SCEL: variants seen among roughly 807,000 people sequenced by gnomAD.
SCEL encodes the protein sciellin.
A neutral mutation model predicts 117.6 loss-of-function variants in SCEL; 113 were observed. That is an observed-to-expected ratio of 0.96 (90% CI 0.83 to 1.12). SCEL has a LOEUF of 1.12. Ranked by LOEUF, SCEL falls within the 50% of genes most tolerant of loss-of-function variation. The pLI is 0.00. For missense variants in SCEL, 785 were observed against 810.8 expected (o/e 0.97, Z 0.39); for synonymous variants, 270 against 256.2 (o/e 1.05, Z -0.51).
intron 15 of SCEL, among the ~76,000 whole-genome samples, chr13:77,601,639 G>T (rs974203777): frequency 1.3e-5 from 2 of 152,162 alleles, no homozygotes; most frequent in Admixed American, 1.3e-4. Context: ...CTTTTTAAGA[G>T]AAATGACTTG....
intron 1 of SCEL, among the ~76,000 whole-genome samples, chr13:77,550,010 T>G (rs74483822): frequency 4.9e-5 from 6 of 122,326 alleles, no homozygotes; most frequent in Non-Finnish European, 1.1e-4. Context: ...TGCTGCCAGT[T>G]TTTTTTTTTT....
intron 24 of SCEL, 94 bp downstream of exon 24, chr13:77,614,049 A>G: frequency 9.6e-7 from 1 of 1,045,560 alleles, no homozygotes; most frequent in South Asian, 1.3e-5. Context: ...CAAATTGAAT[A>G]TAAATCTCAA....
chr13:77,636,313 T>C (rs1381730415), intron 29 of SCEL, among the ~76,000 whole-genome samples: 3 of 152,216 alleles, frequency 2.0e-5, no homozygotes, highest in Admixed American at 1.3e-4. Context: ...AATTTTTTTG[T>C]AGCATTGTGG....
intron 19 of SCEL, among the ~76,000 whole-genome samples, chr13:77,606,843 G>A (rs1261000615): frequency 6.6e-6 from 1 of 152,076 alleles, no homozygotes; most frequent in African/African-American, 2.4e-5. Flanking sequence ...CAGTGCAAAA[G>A]GGCCTTCCTG....
At chr13:77,557,784 C>T (rs2084745091) in intron 3 of SCEL, among the ~76,000 whole-genome samples, 1 of 152,264 alleles carries the variant, frequency 6.6e-6, no homozygotes, top group Non-Finnish European at 1.5e-5. Context: ...GGACAGCTCC[C>T]ATACAAAAAA....
chr13:77,626,727 C>T (rs9593242), intron 27 of SCEL, among the ~76,000 whole-genome samples: 61,969 of 152,036 alleles, frequency 0.41, 13,697 homozygotes, highest in Non-Finnish European at 0.51. Context: ...GGAGCCTCCC[C>T]AGCCATATGG....
intron 28 of SCEL, among the ~76,000 whole-genome samples, chr13:77,630,490 T>C (rs1438471785): frequency 2.6e-5 from 4 of 152,258 alleles, no homozygotes; most frequent in Admixed American, 2.6e-4. Flanking sequence ...AATGTTGCTA[T>C]GAACATTCAT....
chr13:77,617,498 A>G lies in SCEL; in HGVS notation c.1452-101A>G. 4 of 670,450 alleles carry G rather than the reference A, an allele frequency of 6.0e-6. No homozygotes were observed. The South Asian group carries it at 8.6e-5, about 14-fold the overall frequency. The allele number at this position is 670,450 out of a possible 1,614,324, so 41.5% of individuals were successfully genotyped here. ...TATTTCATAGTTAGTCAATACTAAA[A>G]TAATATGTCTCATACTATTATCCTT... On this transcript the variant is annotated intron_variant, in intron 24 of 32. Coordinates refer to ENST00000349847, the MANE Select transcript of SCEL (RefSeq NM_144777.3).
intron 27 of SCEL, 73 bp from the exon 28 acceptor site, chr13:77,627,874 A>G: frequency 3.4e-6 from 2 of 580,024 alleles, no homozygotes; most frequent in Non-Finnish European, 5.7e-6. Flanking sequence ...TACTGATTTT[A>G]AAATGTTTTA....
At chr13:77,569,588 C>G (rs1437220177) in intron 8 of SCEL, 137 bp downstream of exon 8, 2 of 606,888 alleles carry the variant, frequency 3.3e-6, no homozygotes. Flanking sequence ...CCCCAGCAAT[C>G]TCTTTCTCAA....
chr13:77,554,869 C>T (rs1233166681), intron 1 of SCEL, among the ~76,000 whole-genome samples: 1 of 152,028 alleles, frequency 6.6e-6, no homozygotes, highest in Non-Finnish European at 1.5e-5. Context: ...CATAATACCC[C>T]ACCTAGGGTG....
chr13:77,587,762 T>A (rs2154399709), intron 9 of SCEL, among the ~76,000 whole-genome samples: 1 of 152,318 alleles, frequency 6.6e-6, no homozygotes, highest in African/African-American at 2.4e-5. Flanking sequence ...CTGATTCTTT[T>A]GCTGTTTTCA....
chr13:77,540,154 T>G (rs1458614561), intron 1 of SCEL, among the ~76,000 whole-genome samples: 2 of 152,204 alleles, frequency 1.3e-5, no homozygotes, highest in Non-Finnish European at 2.9e-5. Flanking sequence ...TTAGAGAGAT[T>G]ACATAAAACA....
At chr13:77,635,496 T>C (rs1770004126) in intron 29 of SCEL, among the ~76,000 whole-genome samples, 1 of 152,224 alleles carries the variant, frequency 6.6e-6, no homozygotes, top group Non-Finnish European at 1.5e-5. Context: ...CACATTTTTA[T>C]CCTTATGGGA....
rs546256949 is a variant in SCEL, at chr13:77,601,343, T to C, written c.918-722T>C. 2.6e-5 allele frequency among the ~76,000 whole-genome samples: 4 copies of C among 152,302 alleles called. 1 individual carries two copies. In the South Asian group the frequency reaches 8.3e-4, roughly 32 times the overall value. ...GGAATAACTGATCTTGTCTGCATGG[T>C]AGGGAAAAAGTCCTAGTTCTTTTTT... On this transcript the variant is annotated intron_variant, in intron 15 of 32. Coordinates refer to ENST00000349847, the MANE Select transcript of SCEL (RefSeq NM_144777.3).
At chr13:77,565,274 C>T (rs1396949336) in intron 5 of SCEL, among the ~76,000 whole-genome samples, 1 of 152,008 alleles carries the variant, frequency 6.6e-6, no homozygotes, top group Non-Finnish European at 1.5e-5. Context: ...TGCCTTGGTC[C>T]TACTACCCCT....
intron 9 of SCEL, among the ~76,000 whole-genome samples, chr13:77,588,564 C>G (rs79235609): frequency 0.12 from 18,161 of 152,252 alleles, 1,432 homozygotes; most frequent in South Asian, 0.21. Flanking sequence ...GTCCTGCCAA[C>G]TCAGAGACTG....
intron 1 of SCEL, among the ~76,000 whole-genome samples, chr13:77,543,909 G>A (rs1759708132): frequency 6.6e-6 from 1 of 152,148 alleles, no homozygotes; most frequent in East Asian, 1.9e-4. Flanking sequence ...CGATTCACTA[G>A]TTATGTAACC....
At chr13:77,549,746 G>T (rs145000934) in intron 1 of SCEL, among the ~76,000 whole-genome samples, 1 of 152,232 alleles carries the variant, frequency 6.6e-6, no homozygotes, top group Non-Finnish European at 1.5e-5. Context: ...GCATAGTTCA[G>T]GGTCAGAGAG....
Sources: gnomAD v4.1 joint callset for allele counts (sites outside exome capture counted in the v4.1 genomes callset) on GRCh38, gnomAD v4.1.1 for gene constraint, MANE v1.5 for transcripts, NCBI Gene and HGNC (gene_info 2026-07-23, HGNC 2026-07-21) for gene names.